Variants in NUBPL observed in about 807,000 individuals in gnomAD.
The protein encoded by NUBPL is iron-sulfur cluster transfer protein NUBPL.
In NUBPL, 31 loss-of-function variants were observed where a neutral mutation model predicts 45.7. The observed-to-expected ratio is 0.68, with a 90% confidence interval of 0.51 to 0.92. The LOEUF (loss-of-function observed/expected upper bound fraction) is 0.92. NUBPL is among the 40% of genes least tolerant of loss of function. The pLI is 0.00. For missense variants in NUBPL, 401 were observed against 398.7 expected (o/e 1.01, Z -0.05); for synonymous variants, 144 against 140.9 (o/e 1.02, Z -0.15).
intron 7 of NUBPL, among the ~76,000 whole-genome samples, chr14:31,803,897 T>A (rs1880111627): frequency 6.6e-6 from 1 of 152,160 alleles, no homozygotes; most frequent in African/African-American, 2.4e-5. Context: ...TACTAAATGC[T>A]TTCTATCTTT....
At chr14:31,849,703 G>A (rs773769469) in intron 9 of NUBPL, among the ~76,000 whole-genome samples, 10 of 152,094 alleles carry the variant, frequency 6.6e-5, no homozygotes, top group Non-Finnish European at 1.3e-4. Flanking sequence ...AGGTTATTTT[G>A]TTGTACTTTT....
chr14:31,740,810 A>G (rs1240405953), intron 6 of NUBPL, among the ~76,000 whole-genome samples: 1 of 152,086 alleles, frequency 6.6e-6, no homozygotes, highest in East Asian at 1.9e-4. Context: ...TCATCCCCCC[A>G]GTCTTTTTTC....
chr14:31,634,456 C>T (rs1046025882), intron 4 of NUBPL, among the ~76,000 whole-genome samples: 6 of 151,728 alleles, frequency 4.0e-5, no homozygotes, highest in East Asian at 1.9e-4. Context: ...CCATGGTGTA[C>T]ATGTGCCACA....
intron 6 of NUBPL, among the ~76,000 whole-genome samples, chr14:31,783,777 C>G (rs567704926): frequency 1.3e-5 from 2 of 152,270 alleles, no homozygotes; most frequent in East Asian, 3.9e-4. Flanking sequence ...CTTGGCCTCC[C>G]AAAGTGCTGG....
intron 6 of NUBPL, among the ~76,000 whole-genome samples, chr14:31,758,344 T>C (rs1813026210): frequency 6.6e-6 from 1 of 152,212 alleles, no homozygotes. Context: ...TACAATTGCC[T>C]AGCAAAAGTA....
At chr14:31,853,323 T>G (rs2040569287) in intron 10 of NUBPL, among the ~76,000 whole-genome samples, 1 of 152,204 alleles carries the variant, frequency 6.6e-6, no homozygotes, top group South Asian at 2.1e-4. Context: ...CCCAAAGTGC[T>G]GGGATTACAG....
chr14:31,628,292 GC>G (rs2035259388), intron 4 of NUBPL, among the ~76,000 whole-genome samples: 2 of 152,248 alleles, frequency 1.3e-5, no homozygotes, highest in East Asian at 1.9e-4. Context: ...GGATCTTATA[GC>G]CATGCATGAT....
intron 8 of NUBPL, among the ~76,000 whole-genome samples, chr14:31,838,972 T>C (rs992014882): frequency 6.6e-6 from 1 of 152,192 alleles, no homozygotes; most frequent in Non-Finnish European, 1.5e-5. Context: ...AGGGCTTTCG[T>C]TGAAGTATTA....
At chr14:31,756,144 G>A (rs1259407096) in intron 6 of NUBPL, among the ~76,000 whole-genome samples, 6 of 151,954 alleles carry the variant, frequency 3.9e-5, no homozygotes, top group African/African-American at 1.5e-4. Flanking sequence ...GATGCCTCCA[G>A]CTTTGTTCTT....
intron 6 of NUBPL, among the ~76,000 whole-genome samples, chr14:31,726,207 T>C (rs1034733131): frequency 6.6e-6 from 1 of 152,212 alleles, no homozygotes; most frequent in African/African-American, 2.4e-5. Flanking sequence ...TTTGTACTCC[T>C]TTCCTTCCAG....
chr14:31,663,756 T>A (rs1265719337), intron 4 of NUBPL, among the ~76,000 whole-genome samples: 3 of 152,190 alleles, frequency 2.0e-5, no homozygotes, highest in Non-Finnish European at 4.4e-5. Flanking sequence ...TATAAAGTAG[T>A]TTTTTCTAAT....
chr14:31,711,947 G>T (rs1444621720), intron 6 of NUBPL, among the ~76,000 whole-genome samples: 1 of 152,192 alleles, frequency 6.6e-6, no homozygotes, highest in Non-Finnish European at 1.5e-5. Context: ...CTGGCTTCAG[G>T]AGTGAAGCTG....
At chr14:31,601,647 A>G (rs1211211612) in intron 4 of NUBPL, among the ~76,000 whole-genome samples, 4 of 152,250 alleles carry the variant, frequency 2.6e-5, no homozygotes, top group Non-Finnish European at 1.5e-5. Context: ...ACTGCTCACC[A>G]TCACTGGCCA....
At chr14:31,771,020 G>C (rs903379333) in intron 6 of NUBPL, among the ~76,000 whole-genome samples, 1 of 152,098 alleles carries the variant, frequency 6.6e-6, no homozygotes, top group East Asian at 1.9e-4. Flanking sequence ...ATATTTTAAA[G>C]TATTATATCT....
At chr14:31,786,521 T>C (rs1019089457) in intron 6 of NUBPL, among the ~76,000 whole-genome samples, 1 of 150,988 alleles carries the variant, frequency 6.6e-6, no homozygotes, top group African/African-American at 2.5e-5. Flanking sequence ...CTGGTGATTA[T>C]GTATTTATGA....
chr14:31,808,965 T>G (rs1233917328), intron 7 of NUBPL, among the ~76,000 whole-genome samples: 1 of 152,182 alleles, frequency 6.6e-6, no homozygotes, highest in East Asian at 1.9e-4. Flanking sequence ...CAGGGATGAA[T>G]CCAACTTGAT....
chr14:31,670,887 G>A (rs2036555898), intron 4 of NUBPL, among the ~76,000 whole-genome samples: 2 of 152,160 alleles, frequency 1.3e-5, no homozygotes, highest in African/African-American at 4.8e-5. Context: ...CTGTAGTGTA[G>A]TTTGAAGTTG....
At chr14:31,761,937 T>C (rs969998305) in intron 6 of NUBPL, among the ~76,000 whole-genome samples, 2 of 152,210 alleles carry the variant, frequency 1.3e-5, no homozygotes, top group Admixed American at 6.5e-5. Context: ...AATTATTACC[T>C]ATATGAATTT....
chr14:31,674,368 T>C (rs1157951939), intron 6 of NUBPL, among the ~76,000 whole-genome samples: 3 of 152,242 alleles, frequency 2.0e-5, no homozygotes, highest in African/African-American at 7.2e-5. Context: ...AGATGAAATC[T>C]GTCTTGAACT....
Sources: gnomAD v4.1 joint callset for allele counts (sites outside exome capture counted in the v4.1 genomes callset) on GRCh38, gnomAD v4.1.1 for gene constraint, MANE v1.5 for transcripts, NCBI Gene and HGNC (gene_info 2026-07-23, HGNC 2026-07-21) for gene names.